JAK2: variants seen among roughly 807,000 people sequenced by gnomAD.
JAK2 encodes the protein tyrosine-protein kinase JAK2.
A neutral mutation model predicts 139.3 loss-of-function variants in JAK2; 86 were observed. That is an observed-to-expected ratio of 0.62 (90% CI 0.52 to 0.74). JAK2 has a LOEUF of 0.74. Among genes scored for constraint, JAK2 ranks in the 30% least tolerant of loss-of-function variants. The probability of loss-of-function intolerance (pLI) is 0.00; values close to 1 mark genes in which losing one functional copy is unlikely to be tolerated. For missense variants in JAK2, 1,421 were observed against 1,360.3 expected (o/e 1.04, Z -0.70); for synonymous variants, 490 against 437.7 (o/e 1.12, Z -1.49).
chr9:4,993,479 A>G (rs1563911258), intron 2 of JAK2, among the ~76,000 whole-genome samples: 1 of 152,214 alleles, frequency 6.6e-6, no homozygotes, highest in African/African-American at 2.4e-5. Context: ...GAAGAAGCCA[A>G]ATTGCTTTAA....
chr9:5,070,318 T>A (rs1248179971), intron 12 of JAK2, among the ~76,000 whole-genome samples: 1 of 152,066 alleles, frequency 6.6e-6, no homozygotes, highest in African/African-American at 2.4e-5. Flanking sequence ...AAATTAAAAA[T>A]CTACAAAGAC....
rs1822891274 is a variant in JAK2 at position 5,028,025 on chromosome 9, TG to T, written c.227-1757del. 2.0e-5 allele frequency among the ~76,000 whole-genome samples: 3 copies of T among 152,246 alleles called. No individual in the cohort carries two copies. The South Asian group carries it at 6.2e-4, about 31-fold the overall frequency. ...TTGACCTCCTCTCATGAACTACAAA[TG>T]TTTTTCATGACGTCTAGAATGGTGA... On this transcript the variant is annotated intron_variant, in intron 3 of 24. Coordinates refer to ENST00000381652, the MANE Select transcript of JAK2 (RefSeq NM_004972.4).
intron 2 of JAK2, among the ~76,000 whole-genome samples, chr9:5,007,540 A>G (rs1821387970): frequency 6.6e-6 from 1 of 152,098 alleles, no homozygotes; most frequent in Non-Finnish European, 1.5e-5. Flanking sequence ...GGTATTAAGA[A>G]TAGCATAAAT....
intron 2 of JAK2, among the ~76,000 whole-genome samples, chr9:5,012,563 C>T (rs1223702578): frequency 6.6e-6 from 1 of 152,030 alleles, no homozygotes; most frequent in Non-Finnish European, 1.5e-5. Flanking sequence ...GCAACCCAGC[C>T]TTGGTCTGGA....
At chr9:5,065,761 A>G (rs1225179874) in intron 9 of JAK2, among the ~76,000 whole-genome samples, 1 of 152,180 alleles carries the variant, frequency 6.6e-6, no homozygotes, top group East Asian at 1.9e-4. Context: ...GATGTGGTTT[A>G]TGTTGACAAC....
intron 22 of JAK2, chr9:5,114,418 G>T: frequency 2.0e-6 from 1 of 499,040 alleles, no homozygotes. Flanking sequence ...TGGATCAAGG[G>T]GGAGACCTAC....
intron 9 of JAK2, among the ~76,000 whole-genome samples, chr9:5,066,416 A>T (rs75497860): frequency 0.023 from 3,520 of 152,198 alleles, 152 homozygotes; most frequent in African/African-American, 0.081. Flanking sequence ...TCAAATGAAC[A>T]AATTGTTCTT....
intron 2 of JAK2, among the ~76,000 whole-genome samples, chr9:4,998,999 G>A (rs576748213): frequency 6.8e-4 from 101 of 149,176 alleles, no homozygotes; most frequent in African/African-American, 2.4e-3. Flanking sequence ...TTTTTTTTTT[G>A]TATTTTCAGT....
At chr9:5,123,365 T>C (rs1162091185) in intron 23 of JAK2, among the ~76,000 whole-genome samples, 1 of 152,012 alleles carries the variant, frequency 6.6e-6, no homozygotes, top group African/African-American at 2.4e-5. Flanking sequence ...TACGTTCATG[T>C]GTATACATTA....
chr9:5,078,339 G>A lies in JAK2; in HGVS notation c.2026G>A (p.Ala676Thr), dbSNP rs1273471332. 7 of 1,612,246 alleles carry A rather than the reference G, an allele frequency of 4.3e-6. No individual in the cohort carries two copies. In the Admixed American group the frequency reaches 1.0e-4, roughly 23 times the overall value. Residue 676 changes from alanine (A) to threonine (T), a missense_variant, in exon 16 of 25, where the codon GCC (alanine) becomes ACC (threonine). Ala to Thr is a moderately conservative substitution (Grantham distance 58, BLOSUM62 0). Coordinates refer to ENST00000381652, the MANE Select transcript of JAK2 (RefSeq NM_004972.4). ...ENTLIHGNVC[A>T]KNILLIREED... ...CACCCTTATTCATGGGAATGTATGT[G>A]CCAAAAATATTCTGCTTATCAGAGA...
chr9:5,030,265 A>G (rs1297143731), intron 4 of JAK2, among the ~76,000 whole-genome samples: 5 of 152,172 alleles, frequency 3.3e-5, no homozygotes, highest in Non-Finnish European at 5.9e-5. Context: ...TTCACATCTT[A>G]TCTTTATAAA....
At chr9:5,014,796 C>G (rs1249556273) in intron 2 of JAK2, among the ~76,000 whole-genome samples, 1 of 152,126 alleles carries the variant, frequency 6.6e-6, no homozygotes. Flanking sequence ...TACCACCCAC[C>G]CCAGGAACTA....
intron 22 of JAK2, among the ~76,000 whole-genome samples, chr9:5,102,647 T>G (rs200835979): frequency 5.9e-5 from 9 of 152,056 alleles, no homozygotes; most frequent in African/African-American, 2.2e-4. Flanking sequence ...CAGAGAGAAA[T>G]GTCGGGTTGC....
intron 19 of JAK2, chr9:5,085,863 T>C: frequency 3.8e-6 from 3 of 780,712 alleles, no homozygotes; most frequent in Non-Finnish European, 7.1e-6. Context: ...CTCAGAGATT[T>C]CCTTAAGTTC....
intron 19 of JAK2, among the ~76,000 whole-genome samples, chr9:5,087,086 A>G (rs182511590): frequency 2.0e-5 from 3 of 152,338 alleles, no homozygotes; most frequent in Admixed American, 6.5e-5. Context: ...TTGGTTTCCA[A>G]CATTGGTTAG....
At chr9:5,044,361 G>T in intron 4 of JAK2, 42 bp from the exon 5 acceptor site, 2 of 1,236,000 alleles carry the variant, frequency 1.6e-6, no homozygotes, top group South Asian at 2.4e-5. Flanking sequence ...GTTTGTATTT[G>T]AACTATTTGG....
chr9:5,076,618 T>C lies in JAK2; in HGVS notation c.1865-835T>C, dbSNP rs530377510. On this transcript the variant is annotated intron_variant, in intron 14 of 24. Transcript: ENST00000381652. The stretch of plus-strand genomic sequence containing the variant: ...TATATGCATTGGGATACCAAGAAAT[T>C]CATGACTTGCTTTATTATGGTAGTC... Among the ~76,000 whole-genome samples the C allele has an allele frequency of 3.9e-5, 6 of 152,322 alleles. No homozygotes were observed. The South Asian group carries it at 1.2e-3, about 32-fold the overall frequency.
At position 5,127,352 on chromosome 9, in the gene JAK2, G is replaced by A. The variant is rs1165814088; in HGVS notation, c.*561G>A. ...CTTTGTGTCCTTGTTCATTTATATC[G>A]CTGGCCAGCATTATAAGCAGGTGTA... On this transcript the variant is annotated 3_prime_UTR_variant, in exon 25 of 25. Coordinates refer to ENST00000381652, the MANE Select transcript of JAK2 (RefSeq NM_004972.4). 10 of 231,320 alleles carry A rather than the reference G, an allele frequency of 4.3e-5. No individual in the cohort carries two copies. 14.3% of individuals were successfully genotyped at this position (231,320 alleles called of 1,614,324 possible). A position where few individuals can be genotyped will look rare whatever the true frequency, so the allele number is the denominator to read the frequency against.
At chr9:5,032,909 A>G (rs1823276169) in intron 4 of JAK2, among the ~76,000 whole-genome samples, 1 of 152,206 alleles carries the variant, frequency 6.6e-6, no homozygotes, top group Admixed American at 6.5e-5. Context: ...TGACTTTGAC[A>G]AGTTGAGAGA....
Sources: allele counts gnomAD v4.1 joint callset (sites outside exome capture counted in the v4.1 genomes callset), GRCh38; gene constraint gnomAD v4.1.1; transcripts MANE v1.5; gene names NCBI Gene and HGNC (gene_info 2026-07-23, HGNC 2026-07-21).